Variants in SPATS2L observed in about 807,000 individuals in gnomAD.
The protein encoded by SPATS2L is SPATS2-like protein.
In SPATS2L, 30 loss-of-function variants were observed where a neutral mutation model predicts 59.6. That is an observed-to-expected ratio of 0.50 (90% CI 0.38 to 0.68). The LOEUF is 0.68. SPATS2L is among the 30% of genes least tolerant of loss of function. The pLI, the probability that SPATS2L is intolerant of heterozygous loss-of-function variation, is 0.00. For synonymous variants in SPATS2L, 252 were observed against 263.5 expected (o/e 0.96, Z 0.42); for missense variants, 615 against 700.0 (o/e 0.88, Z 1.37).
At chr2:200,373,228 A>T (rs936249896) in intron 2 of SPATS2L, 15 of 150,286 alleles carry the variant, frequency 1.0e-4, no homozygotes, top group Non-Finnish European at 2.1e-4. Context: ...GTGTCACTAA[A>T]GTTGGCATAT....
chr2:200,351,074 C>G (rs1007122743), intron 2 of SPATS2L: 4 of 349,032 alleles, frequency 1.1e-5, no homozygotes, highest in Non-Finnish European at 2.3e-5. Context: ...AAAAGTTAAC[C>G]TCACAGCATG....
At chr2:200,383,621 G>A (rs1439800567) in intron 2 of SPATS2L, among the ~76,000 whole-genome samples, 1 of 152,104 alleles carries the variant, frequency 6.6e-6, no homozygotes. Flanking sequence ...AAGTCAAGTC[G>A]ATCCAGTCTC....
chr2:200,451,984 G>C (rs2085487149), intron 8 of SPATS2L, among the ~76,000 whole-genome samples: 1 of 152,120 alleles, frequency 6.6e-6, no homozygotes, highest in Non-Finnish European at 1.5e-5. Flanking sequence ...TTTTAGTAGA[G>C]ATGGGGTTTC....
intron 2 of SPATS2L, among the ~76,000 whole-genome samples, chr2:200,371,131 C>A (rs766472893): frequency 1.5e-4 from 23 of 152,092 alleles, no homozygotes; most frequent in Non-Finnish European, 2.9e-4. Flanking sequence ...TCTTAGGCTG[C>A]ATTTAAAAAT....
At chr2:200,397,273 G>A (rs1033233392) in intron 3 of SPATS2L, among the ~76,000 whole-genome samples, 8 of 152,174 alleles carry the variant, frequency 5.3e-5, no homozygotes, top group Non-Finnish European at 1.0e-4. Flanking sequence ...CCCTGTGGCA[G>A]CAGGAAGAAG....
At chr2:200,339,144 CAT>C (rs926552525) in intron 2 of SPATS2L, among the ~76,000 whole-genome samples, 8 of 152,200 alleles carry the variant, frequency 5.3e-5, no homozygotes, top group Non-Finnish European at 7.3e-5. Context: ...CGCAACAACA[CAT>C]GTTATTATTG....
In SPATS2L at chr2:200,479,877, T is replaced by C; in HGVS notation, c.*1846T>C. 1 of 397,652 alleles carries C rather than the reference T, an allele frequency of 2.5e-6. No individual in the cohort carries two copies. The highest frequency in any genetic ancestry group is 4.4e-6 in the Non-Finnish European group (1 of 225,948). 24.6% of individuals were successfully genotyped at this position (397,652 alleles called of 1,614,324 possible). On this transcript the variant is annotated 3_prime_UTR_variant, in exon 13 of 13. Coordinates refer to ENST00000409140, the MANE Select transcript of SPATS2L (RefSeq NM_001100423.2). ...GAGAGCTTTCTGAGGTCTCTGGGTG[T>C]ACCCAGAGATTTAATAGAAATTCTT... is the stretch of plus-strand genomic sequence containing the variant.
chr2:200,417,550 C>CAG (rs2083116366), intron 5 of SPATS2L, among the ~76,000 whole-genome samples: 1 of 152,162 alleles, frequency 6.6e-6, no homozygotes, highest in Non-Finnish European at 1.5e-5. Flanking sequence ...ACAGCAGCTG[C>CAG]AGACCCAACT....
chr2:200,429,346 A>G (rs1446064007), intron 6 of SPATS2L, among the ~76,000 whole-genome samples: 2 of 152,222 alleles, frequency 1.3e-5, no homozygotes, highest in African/African-American at 4.8e-5. Context: ...CAGTTACTAT[A>G]TCTGTACTGA....
chr2:200,475,075 C>G (rs1412441860), intron 12 of SPATS2L, among the ~76,000 whole-genome samples: 1 of 152,218 alleles, frequency 6.6e-6, no homozygotes, highest in African/African-American at 2.4e-5. Context: ...ACAACACTGC[C>G]AGTTTTCACA....
intron 9 of SPATS2L, 134 bp downstream of exon 9, chr2:200,459,961 T>C (rs1256371960): frequency 1.5e-6 from 1 of 672,954 alleles, no homozygotes; most frequent in South Asian, 2.1e-5. Flanking sequence ...ATGAACTCTG[T>C]AACCTTAGTC....
At chr2:200,345,800 A>G (rs939042662) in intron 2 of SPATS2L, among the ~76,000 whole-genome samples, 4 of 152,122 alleles carry the variant, frequency 2.6e-5, no homozygotes, top group Admixed American at 6.5e-5. Context: ...TTTTGTATCA[A>G]TTGTTGATTA....
chr2:200,378,850 A>T (rs1049465243), intron 2 of SPATS2L, among the ~76,000 whole-genome samples: 3 of 152,198 alleles, frequency 2.0e-5, no homozygotes, highest in African/African-American at 7.2e-5. Context: ...TATATTGCAG[A>T]ACCACAATCC....
Position 200,396,011 on chromosome 2 carries a change from G to GAAAAAAAAAAAAAAAA in SPATS2L, c.39+6736_39+6751dup, listed in dbSNP as rs1218853084. On this transcript the variant is annotated intron_variant, in intron 3 of 12. Coordinates refer to ENST00000409140, the MANE Select transcript of SPATS2L (RefSeq NM_001100423.2). ...GGGCAAAAGAGTGAGACTCGATCTG[G>GAAAAAAAAAAAAAAAA]AAAAAAAAAAAAAAAAAAAAAAATA... Among the ~76,000 whole-genome samples, 2 of 10,592 alleles carry GAAAAAAAAAAAAAAAA rather than the reference G, an allele frequency of 1.9e-4. 1 individual carries two copies. Among genetic ancestry groups the GAAAAAAAAAAAAAAAA allele is most frequent in the Non-Finnish European group, 2.6e-4 (2 of 7,716 alleles). 6.9% of individuals were successfully genotyped at this position (10,592 alleles called of 152,430 possible).
intron 2 of SPATS2L, among the ~76,000 whole-genome samples, chr2:200,338,665 A>G (rs2080221342): frequency 6.6e-6 from 1 of 152,226 alleles, no homozygotes; most frequent in Non-Finnish European, 1.5e-5. Context: ...TAATGAAAAT[A>G]GTTTTGCTGC....
intron 2 of SPATS2L, among the ~76,000 whole-genome samples, chr2:200,348,935 C>G (rs1276367428): frequency 6.6e-6 from 1 of 151,502 alleles, no homozygotes; most frequent in African/African-American, 2.4e-5. Context: ...TGGGTTGGCT[C>G]TATTCCTTTC....
At chr2:200,309,878 T>C (rs1352083451) in intron 1 of SPATS2L, among the ~76,000 whole-genome samples, 2 of 152,218 alleles carry the variant, frequency 1.3e-5, no homozygotes, top group Non-Finnish European at 2.9e-5. Context: ...AGGCCATATG[T>C]TGAATTTCTG....
At chr2:200,354,313 A>G (rs1264064965) in intron 2 of SPATS2L, among the ~76,000 whole-genome samples, 2 of 152,198 alleles carry the variant, frequency 1.3e-5, no homozygotes, top group Non-Finnish European at 2.9e-5. Context: ...AGCCCTAGTA[A>G]AGAATCAAGT....
At chr2:200,461,176 C>T (rs2086217902) in intron 9 of SPATS2L, 1 of 152,142 alleles carries the variant, frequency 6.6e-6, no homozygotes, top group Non-Finnish European at 1.5e-5. Flanking sequence ...TGACACCTGC[C>T]AACTTAAAAC....
Sources: allele counts gnomAD v4.1 joint callset (sites outside exome capture counted in the v4.1 genomes callset), GRCh38; gene constraint gnomAD v4.1.1; transcripts MANE v1.5; gene names NCBI Gene and HGNC (gene_info 2026-07-23, HGNC 2026-07-21).